The following ZNF281 variants were observed in gnomAD, a reference collection of about 807,000 sequenced individuals.
ZNF281 encodes the protein zinc finger protein 281, also known as GC-box-binding zinc finger protein 1.
ZNF281 carries 2 observed loss-of-function variants against 58.8 expected under a neutral mutation model. The ratio of observed to expected loss-of-function variants is 0.03; its 90% CI spans 0.01 to 0.11. The LOEUF is 0.11. Ranked by LOEUF, ZNF281 falls within the 10% of genes least tolerant of loss-of-function variation. The pLI is 1.00. For synonymous variants in ZNF281, 465 were observed against 407.7 expected, an observed-to-expected ratio of 1.14 and a Z score of -1.69; for missense variants, 975 against 1,090.7, an observed-to-expected ratio of 0.89 and a Z score of 1.49.
intron 1 of ZNF281, 108 bp downstream of exon 1, chr1:200,409,838 G>T: frequency 7.5e-7 from 1 of 1,336,988 alleles, no homozygotes; most frequent in Non-Finnish European, 9.9e-7. Context: ...ACCGCAACGC[G>T]CCCAGCACTA....
rs531654724 is a variant in ZNF281 at position 200,409,437 on chromosome 1, G to T, written c.269C>A (p.Pro90His). The change falls in exon 2 of 2, where the codon CCC (proline) becomes CAC (histidine). Residue 90 changes from proline (P) to histidine (H), a missense_variant. Around this residue, in one of 3 missense-constraint regions of ZNF281, gnomAD observed 370 missense variants for 360.9 expected, o/e 1.03. Coordinates refer to ENST00000367353, the MANE Select transcript of ZNF281 (RefSeq NM_001281293.2). ...CATGTCCGGGGCTGGCGGAGGGGGGGGCTCAGCGGCCGGGGCTGCGGAGGT... is the reference window on the plus strand; with the variant it reads ...CATGTCCGGGGCTGGCGGAGGGGGGTGCTCAGCGGCCGGGGCTGCGGAGGT... ...SSTSAAPAAE[P>H]PPPPAPDMTF... 875 of 1,524,514 alleles carry T rather than the reference G, an allele frequency of 5.7e-4. 4 individuals are homozygous for T. The highest frequency in any genetic ancestry group is 5.1e-3 in the Middle Eastern group (29 of 5,664). The allele number at this position is 1,524,514 out of a possible 1,614,324, so 94.4% of individuals were successfully genotyped here.
intron 1 of ZNF281, 30 bp from the exon 2 acceptor site, chr1:200,409,753 G>A (rs769639214): frequency 1.3e-6 from 2 of 1,571,454 alleles, no homozygotes; most frequent in African/African-American, 1.4e-5. Context: ...GAGGGAAGAG[G>A]GAGGAAAGGA....
Position 200,408,143 on chromosome 1 carries a change from A to C in ZNF281, c.1563T>G (p.Ser521Arg). The C allele has an allele frequency of 6.2e-7, 1 of 1,614,128 alleles. No individual in the cohort carries two copies. Among genetic ancestry groups the C allele is most frequent in the Non-Finnish European group, 8.5e-7 (1 of 1,180,032 alleles). Residue 521 changes from serine (S) to arginine (R), a missense_variant, in exon 2 of 2, where the codon AGT becomes AGG. This residue lies in a region of ZNF281 where 579 missense variants were observed against 608.9 expected (regional missense o/e 0.95). Transcript: ENST00000367353. ...TACTACTTATCTGACCTTGTTTGCC[A>C]CTTGTACTTTGGAGAAGACCAATGG... ...VETIGLLQST[S>R]GKQGQISSNY...
Position 200,408,844 on chromosome 1 carries a change from G to A in ZNF281, c.862C>T (p.Pro288Ser). 1 of 1,614,216 alleles carries A rather than the reference G, an allele frequency of 6.2e-7. No individual in the cohort carries two copies. Among genetic ancestry groups the A allele is most frequent in the Non-Finnish European group, 8.5e-7 (1 of 1,180,034 alleles). Residue 288 changes from proline (P) to serine (S), a missense_variant, in exon 2 of 2, where the codon CCT becomes TCT. Physicochemically the swap from Pro to Ser is moderately conservative, Grantham distance 74. Coordinates refer to ENST00000367353, the MANE Select transcript of ZNF281 (RefSeq NM_001281293.2). ...ATACTACACTGGCTGCACTGGAAAGGTCTTTCTCCTGTATGAATGAGGACA... is the reference window on the plus strand; with the variant it reads ...ATACTACACTGGCTGCACTGGAAAGATCTTTCTCCTGTATGAATGAGGACA... ...RHVLIHTGER[P>S]FQCSQCSMGF...
chr1:200,406,783 G>T lies in ZNF281; in HGVS notation c.*235C>A. On this transcript the variant is annotated 3_prime_UTR_variant, in exon 2 of 2. Transcript: ENST00000367353. ...ACGATCTATACATGTAAATTTGATTGCTAAACATTGTCACTTTGAATGTCA... is the reference window on the plus strand; with the variant it reads ...ACGATCTATACATGTAAATTTGATTTCTAAACATTGTCACTTTGAATGTCA... 5.6e-6 allele frequency: 2 copies of T among 355,270 alleles called. No homozygotes were observed. Among genetic ancestry groups the T allele is most frequent in the East Asian group, 4.6e-5 (1 of 21,864 alleles). The allele number at this position is 355,270 out of a possible 1,614,324, so 22.0% of individuals were successfully genotyped here. A position where few individuals can be genotyped will look rare whatever the true frequency, so the allele number is the denominator to read the frequency against.
chr1:200,406,868 C>T lies in ZNF281; in HGVS notation c.*150G>A. On this transcript the variant is annotated 3_prime_UTR_variant, in exon 2 of 2. Coordinates refer to ENST00000367353, the MANE Select transcript of ZNF281 (RefSeq NM_001281293.2). Reference sequence around the variant, plus strand: ...CATAATACAAACAGAGCTAAAATCACGCTAACAAAATAAACTAAATATGAA... The same window carrying T: ...CATAATACAAACAGAGCTAAAATCATGCTAACAAAATAAACTAAATATGAA... 5.8e-6 allele frequency: 4 copies of T among 684,038 alleles called. No individual in the cohort carries two copies. Among genetic ancestry groups the T allele is most frequent in the South Asian group, 2.6e-5 (1 of 37,830 alleles). The allele number at this position is 684,038 out of a possible 1,614,324, so 42.4% of individuals were successfully genotyped here. A position where few individuals can be genotyped will look rare whatever the true frequency, so the allele number is the denominator to read the frequency against.
chr1:200,406,708 G>GT lies in ZNF281; in HGVS notation c.*309dup, dbSNP rs926817624. ...TTTTTTTGTAGGTTTTTTTTTTTTG[G>GT]TTTTTTTTTGTCTTTTTTTTTGCGT... On this transcript the variant is annotated 3_prime_UTR_variant, in exon 2 of 2. Transcript: ENST00000367353. The GT allele has an allele frequency of 4.6e-3, 899 of 194,966 alleles. 8 individuals carry two copies. Among genetic ancestry groups the GT allele is most frequent in the African/African-American group, 0.019 (772 of 41,288 alleles). 12.1% of individuals were successfully genotyped at this position (194,966 alleles called of 1,614,324 possible). A position where few individuals can be genotyped will look rare whatever the true frequency, so the allele number is the denominator to read the frequency against.
chr1:200,409,605 C>A lies in ZNF281; in HGVS notation c.101G>T (p.Gly34Val). ...GGGSGGGGGG[G>V]SSGRRAEMEP... ...CATCTCTGCCCTCCTGCCGCTGCTGCCGCCGCCGCCGCCGCCGCCACTACC... is the reference window on the plus strand; with the variant it reads ...CATCTCTGCCCTCCTGCCGCTGCTGACGCCGCCGCCGCCGCCGCCACTACC... The change falls in exon 2 of 2, where the codon GGC becomes GTC. Residue 34 changes from glycine (G) to valine (V), a missense_variant. Around this residue, in one of 3 missense-constraint regions of ZNF281, gnomAD observed 370 missense variants for 360.9 expected, o/e 1.03. Transcript: ENST00000367353. 1.3e-6 allele frequency: 2 copies of A among 1,543,380 alleles called. No individual in the cohort carries two copies. Among genetic ancestry groups the A allele is most frequent in the East Asian group, 4.9e-5 (2 of 40,646 alleles).
rs929288868 is a variant in ZNF281 at position 200,406,551 on chromosome 1, A to C, written c.*467T>G. ...GAAATGTTTTCGATCCCTTACTTAAATGATGAAATGTATATCATACTATCT... is the reference window on the plus strand; with the variant it reads ...GAAATGTTTTCGATCCCTTACTTAACTGATGAAATGTATATCATACTATCT... On this transcript the variant is annotated 3_prime_UTR_variant, in exon 2 of 2. Coordinates refer to ENST00000367353, the MANE Select transcript of ZNF281 (RefSeq NM_001281293.2). 2 of 153,196 alleles carry C rather than the reference A, an allele frequency of 1.3e-5. No individual in the cohort carries two copies. The highest frequency in any genetic ancestry group is 4.8e-5 in the African/African-American group (2 of 41,488). 9.5% of individuals were successfully genotyped at this position (153,196 alleles called of 1,614,324 possible). A position where few individuals can be genotyped will look rare whatever the true frequency, so the allele number is the denominator to read the frequency against.
At position 200,409,005 on chromosome 1, in the gene ZNF281, T is replaced by C; in HGVS notation, c.701A>G (p.Lys234Arg). 2 of 1,614,272 alleles carry C rather than the reference T, an allele frequency of 1.2e-6. No homozygotes were observed. The highest frequency in any genetic ancestry group is 1.7e-6 in the Non-Finnish European group (2 of 1,180,054). The change falls in exon 2 of 2, where the codon AAG becomes AGG. Residue 234 changes from lysine (K) to arginine (R), a missense_variant. Physicochemically the swap from Lys to Arg is conservative, Grantham distance 26 (BLOSUM62 2). This residue lies in a region of ZNF281 where 370 missense variants were observed against 360.9 expected (regional missense o/e 1.03). Coordinates refer to ENST00000367353, the MANE Select transcript of ZNF281 (RefSeq NM_001281293.2). ...PKPESQGIKA[K>R]RKPSASSKPS... ...TTTGGAAGATGCACTTGGCTTCCTCTTGGCTTTGATTCCCTGAGATTCTGG... is the reference window on the plus strand; with the variant it reads ...TTTGGAAGATGCACTTGGCTTCCTCCTGGCTTTGATTCCCTGAGATTCTGG...
rs564352656 is a variant in ZNF281 at position 200,408,593 on chromosome 1, T to C, written c.1113A>G (p.Ile371Met). The change falls in exon 2 of 2, where the codon ATA becomes ATG. Residue 371 changes from isoleucine (I) to methionine (M), a missense_variant. Transcript: ENST00000367353. ...GTTCTGCACTAGTGGCTCCTTTAAC[T>C]ATGACTTCACCACATGTGCGCCTGT... Reference protein sequence around the residue: ...LKHRRTCGEVIVKGATSAEPG... With the variant: ...LKHRRTCGEVMVKGATSAEPG... The C allele has an allele frequency of 5.1e-5, 83 of 1,614,106 alleles. 1 individual carries two copies. In the South Asian group the frequency reaches 8.2e-4, roughly 16 times the overall value.
rs1462079701 is a variant in ZNF281, at chr1:200,409,563, T to C, written c.143A>G (p.Gln48Arg). The change falls in exon 2 of 2, where the codon CAG becomes CGG. Residue 48 changes from glutamine (Q) to arginine (R), a missense_variant. Gln to Arg is a conservative substitution (Grantham distance 43, BLOSUM62 1). This residue lies in a region of ZNF281 where 370 missense variants were observed against 360.9 expected (regional missense o/e 1.03). Coordinates refer to ENST00000367353, the MANE Select transcript of ZNF281 (RefSeq NM_001281293.2). ...RRAEMEPTFP[Q>R]GMVMFNHRLP... ...ACGGTGGTTGAACATAACCATACCC[T>C]GGGGAAAGGTGGGTTCCATCTCTGC... 1.8e-5 allele frequency: 28 copies of C among 1,548,794 alleles called. No individual in the cohort carries two copies. Among genetic ancestry groups the C allele is most frequent in the Non-Finnish European group, 2.4e-5 (27 of 1,146,632 alleles).
chr1:200,408,114 T>C lies in ZNF281; in HGVS notation c.1592A>G (p.Tyr531Cys). 2.5e-6 allele frequency: 4 copies of C among 1,614,190 alleles called. No homozygotes were observed. The highest frequency in any genetic ancestry group is 2.5e-6 in the Non-Finnish European group (3 of 1,180,032). ...CTTTGAAAACTGCATGGCATCATCA[T>C]AATTACTACTTATCTGACCTTGTTT... ...SGKQGQISSN[Y>C]DDAMQFSKKR... The change falls in exon 2 of 2, where the codon TAT becomes TGT. Residue 531 changes from tyrosine (Y) to cysteine (C), a missense_variant. By Grantham distance (194) the Tyr-to-Cys change is radical. Transcript: ENST00000367353.
chr1:200,405,163 G>C lies in ZNF281; in HGVS notation c.*1855C>G, dbSNP rs553414616. 12 of 152,360 alleles carry C rather than the reference G, an allele frequency of 7.9e-5. No individual in the cohort carries two copies. Among genetic ancestry groups the C allele is most frequent in the African/African-American group, 2.9e-4 (12 of 41,400 alleles). 9.4% of individuals were successfully genotyped at this position (152,360 alleles called of 1,614,324 possible). A position where few individuals can be genotyped will look rare whatever the true frequency, so the allele number is the denominator to read the frequency against. On this transcript the variant is annotated 3_prime_UTR_variant, in exon 2 of 2. Transcript: ENST00000367353. ...TACTCTGTACTCAATAGAACTTACC[G>C]CACTTACTGAAATAAGAAATAAACA...
In ZNF281 at chr1:200,409,604, GCCGCCGCCGCCGCCGCCGCCACTA is replaced by G. The variant is rs746789612; in HGVS notation, c.78_101del (p.Gly28_Ser35del). The G allele has an allele frequency of 1.0e-5, 16 of 1,542,388 alleles. No individual in the cohort carries two copies. The highest frequency in any genetic ancestry group is 1.4e-5 in the Non-Finnish European group (16 of 1,143,058). ...CCATCTCTGCCCTCCTGCCGCTGCT[GCCGCCGCCGCCGCCGCCGCCACTA>G]CCACCGCCGCCGGAGCCGCTACCAC... On this transcript the variant is annotated inframe_deletion, in exon 2 of 2. Coordinates refer to ENST00000367353, the MANE Select transcript of ZNF281 (RefSeq NM_001281293.2).
Position 200,410,036 on chromosome 1 carries a change from T to C in ZNF281, c.-109A>G. The C allele has an allele frequency of 2.5e-6, 1 of 398,250 alleles. No individual in the cohort carries two copies. The highest frequency in any genetic ancestry group is 4.5e-6 in the Non-Finnish European group (1 of 220,648). The allele number at this position is 398,250 out of a possible 1,614,324, so 24.7% of individuals were successfully genotyped here. Reference sequence around the variant, plus strand: ...ATGGAATTAAAAGCCTCCCGTGTACTGCGCAGCCGCGGCGCAGTGTCTGCT... The same window carrying C: ...ATGGAATTAAAAGCCTCCCGTGTACCGCGCAGCCGCGGCGCAGTGTCTGCT... On this transcript the variant is annotated 5_prime_UTR_variant, in exon 1 of 2. Transcript: ENST00000367353.
At position 200,406,768 on chromosome 1, in the gene ZNF281, C is replaced by G; in HGVS notation, c.*250G>C. On this transcript the variant is annotated 3_prime_UTR_variant, in exon 2 of 2. Coordinates refer to ENST00000367353, the MANE Select transcript of ZNF281 (RefSeq NM_001281293.2). ...TTGGGCTATTCCCTGACGATCTATA[C>G]ATGTAAATTTGATTGCTAAACATTG... 3.3e-6 allele frequency: 1 copy of G among 306,182 alleles called. No individual in the cohort carries two copies. The allele number at this position is 306,182 out of a possible 1,614,324, so 19.0% of individuals were successfully genotyped here. A position where few individuals can be genotyped will look rare whatever the true frequency, so the allele number is the denominator to read the frequency against.
In ZNF281 at chr1:200,408,489, G is replaced by A; in HGVS notation, c.1217C>T (p.Thr406Ile). The part of the protein sequence containing the change: ...QGNTSSSRRK[T>I]KSKSIAIENK... ...TTCAATAGCTATGCTTTTTGACTTTGTTTTTCTCCTTGAAGAACTTGTATT... is the reference window on the plus strand; with the variant it reads ...TTCAATAGCTATGCTTTTTGACTTTATTTTTCTCCTTGAAGAACTTGTATT... Residue 406 changes from threonine (T) to isoleucine (I), a missense_variant, in exon 2 of 2, where the codon ACA becomes ATA. By Grantham distance (89) the Thr-to-Ile change is moderately conservative. Coordinates refer to ENST00000367353, the MANE Select transcript of ZNF281 (RefSeq NM_001281293.2). 1.2e-6 allele frequency: 2 copies of A among 1,614,132 alleles called. No homozygotes were observed. The highest frequency in any genetic ancestry group is 1.7e-6 in the Non-Finnish European group (2 of 1,180,022).
Position 200,407,495 on chromosome 1 carries a change from A to C in ZNF281, c.2211T>G (p.Phe737Leu). 1 of 1,614,222 alleles carries C rather than the reference A, an allele frequency of 6.2e-7. No homozygotes were observed. The highest frequency in any genetic ancestry group is 8.5e-7 in the Non-Finnish European group (1 of 1,180,042). Residue 737 changes from phenylalanine (F) to leucine (L), a missense_variant, in exon 2 of 2, where the codon TTT becomes TTG. By Grantham distance (22) the Phe-to-Leu change is conservative. Coordinates refer to ENST00000367353, the MANE Select transcript of ZNF281 (RefSeq NM_001281293.2). The stretch of plus-strand genomic sequence containing the variant: ...CTGGCTGAGATCCAAACAACATCCC[A>C]AAAGGAGGCTTTGGCAATGAAGATG... The part of the protein sequence containing the change: ...VLPSSLPKPP[F>L]GMLFGSQPGL...
Sources: gnomAD v4.1 joint callset for allele counts on GRCh38, gnomAD v4.1.1 for gene constraint, gnomAD v4.1.1 regional missense constraint, MANE v1.5 for transcripts, NCBI Gene and HGNC (gene_info 2026-07-23, HGNC 2026-07-21) for gene names.